Variants in CHST12 observed in about 807,000 individuals in gnomAD.
CHST12 encodes the protein carbohydrate (chondroitin 4) sulfotransferase 12.
A neutral mutation model predicts 27.9 loss-of-function variants in CHST12; 23 were observed. The ratio of observed to expected loss-of-function variants is 0.82; its 90% confidence interval spans 0.59 to 1.17. CHST12 has a LOEUF of 1.17. Ranked by LOEUF, CHST12 falls within the 50% of genes most tolerant of loss-of-function variation. CHST12 has a pLI of 0.00. For missense variants in CHST12, 682 were observed against 603.0 expected (o/e 1.13, Z -1.37); for synonymous variants, 322 against 273.0 (o/e 1.18, Z -1.77).
intron 1 of CHST12, among the ~76,000 whole-genome samples, chr7:2,425,857 C>T (rs919902771): frequency 8.5e-5 from 13 of 152,056 alleles, no homozygotes; most frequent in African/African-American, 2.7e-4. Context: ...CTTTACTTCT[C>T]GTCTTTCCAG....
intron 1 of CHST12, among the ~76,000 whole-genome samples, chr7:2,406,871 C>A (rs950473048): frequency 6.6e-6 from 1 of 152,084 alleles, no homozygotes; most frequent in East Asian, 1.9e-4. Context: ...AGAATACACA[C>A]TGGGAAACCA....
chr7:2,433,934 A>C lies in CHST12; in HGVS notation c.*50A>C, dbSNP rs1214720544. 1 of 1,494,340 alleles carries C rather than the reference A, an allele frequency of 6.7e-7. No homozygotes were observed. Among genetic ancestry groups the C allele is most frequent in the Non-Finnish European group, 9.0e-7 (1 of 1,113,250 alleles). 92.6% of individuals were successfully genotyped at this position (1,494,340 alleles called of 1,614,324 possible). A position where few individuals can be genotyped will look rare whatever the true frequency, so the allele number is the denominator to read the frequency against. On this transcript the variant is annotated 3_prime_UTR_variant, in exon 2 of 2. Coordinates refer to ENST00000618655, the MANE Select transcript of CHST12 (RefSeq NM_018641.5). The surrounding 1 kb of genome is among the most constrained non-coding windows in gnomAD (Gnocchi z 6.1). ...CGTGCCTGGAACCTGACGCACGCGC[A>C]CTCCAGTTTTTTTATGACCTACGAT...
intron 1 of CHST12, among the ~76,000 whole-genome samples, chr7:2,425,254 C>A (rs1275930471): frequency 6.6e-6 from 1 of 151,694 alleles, no homozygotes; most frequent in East Asian, 1.9e-4. Context: ...AAAACAAACC[C>A]CGGCCCAGTG....
chr7:2,440,254 TAAA>T lies in CHST12; in HGVS notation c.*6371_*6373del, dbSNP rs1782567989. ...ATCTGTTGGTTGACTTTGACAGTGA[TAAA>T]CGAACACAGCCTATCTGGGTGTTTT... On this transcript the variant is annotated 3_prime_UTR_variant, in exon 2 of 2. Transcript: ENST00000618655. The T allele has an allele frequency of 6.5e-6, 1 of 154,366 alleles. No homozygotes were observed. The highest frequency in any genetic ancestry group is 1.5e-5 in the Non-Finnish European group (1 of 68,190). The allele number at this position is 154,366 out of a possible 1,614,324, so 9.6% of individuals were successfully genotyped here.
At chr7:2,412,125 G>T (rs1781683588) in intron 1 of CHST12, among the ~76,000 whole-genome samples, 1 of 152,160 alleles carries the variant, frequency 6.6e-6, no homozygotes, top group Admixed American at 6.5e-5. Context: ...GGTCTCCTGG[G>T]ATATAAATCA....
chr7:2,435,014 A>C lies in CHST12; in HGVS notation c.*1130A>C, dbSNP rs892930382. ...GAGGATCACTTGAGCCCAGGAGTTCAAGATCAGTTTGGACCACATAGCGAG... is the reference window on the plus strand; with the variant it reads ...GAGGATCACTTGAGCCCAGGAGTTCCAGATCAGTTTGGACCACATAGCGAG... On this transcript the variant is annotated 3_prime_UTR_variant, in exon 2 of 2. Transcript: ENST00000618655. The C allele has an allele frequency of 1.3e-5, 2 of 152,268 alleles. No homozygotes were observed. The highest frequency in any genetic ancestry group is 4.8e-5 in the African/African-American group (2 of 41,422). 9.4% of individuals were successfully genotyped at this position (152,268 alleles called of 1,614,324 possible).
At position 2,432,776 on chromosome 7, in the gene CHST12, G is replaced by A. The variant is rs1369014384; in HGVS notation, c.137G>A (p.Gly46Glu). 1 of 1,613,722 alleles carries A rather than the reference G, an allele frequency of 6.2e-7. No homozygotes were observed. Residue 46 changes from glycine (G) to glutamate (E), a missense_variant, in exon 2 of 2, where the codon GGG (glycine) becomes GAG (glutamate). Transcript: ENST00000618655. ...LHTSFSRPHTGPPLPTPGPDR... is the reference protein window; with the variant it reads ...LHTSFSRPHTEPPLPTPGPDR... ...ACGTCCTTCTCTAGGCCGCACACGGGGCCGCCGCTGCCCACGCCCGGGCCG... is the reference window on the plus strand; with the variant it reads ...ACGTCCTTCTCTAGGCCGCACACGGAGCCGCCGCTGCCCACGCCCGGGCCG...
At position 2,416,048 on chromosome 7, in the gene CHST12, TC is replaced by T. The variant is rs1237633404; in HGVS notation, c.-78+12376del. ...GAACATCTTTTAAAATTGTAGTCAA[TC>T]TTCTCAAACCTTGCCACTGCATTAT... On this transcript the variant is annotated intron_variant, in intron 1 of 1. Coordinates refer to ENST00000618655, the MANE Select transcript of CHST12 (RefSeq NM_018641.5). Among the ~76,000 whole-genome samples, 11 of 152,230 alleles carry T rather than the reference TC, an allele frequency of 7.2e-5. 1 individual carries two copies. The highest frequency in any genetic ancestry group is 4.6e-4 in the Admixed American group (7 of 15,268).
chr7:2,422,444 G>A (rs575815552), intron 1 of CHST12, among the ~76,000 whole-genome samples: 9 of 151,844 alleles, frequency 5.9e-5, no homozygotes, highest in African/African-American at 1.9e-4. Flanking sequence ...GGGTTTCTCC[G>A]TTATTGGTCA....
rs546286632 is a variant in CHST12, at chr7:2,432,685, G to A, written c.46G>A (p.Val16Met). 3.1e-6 allele frequency: 5 copies of A among 1,613,486 alleles called. No individual in the cohort carries two copies. In the African/African-American group the frequency reaches 4.0e-5, roughly 13 times the overall value. Residue 16 changes from valine (V) to methionine (M), a missense_variant, in exon 2 of 2, where the codon GTG (valine) becomes ATG (methionine). By Grantham distance (21) the Val-to-Met change is conservative. Transcript: ENST00000618655. ...LFRLWLVLGS[V>M]FMILLIIVYW... ...CCGGCTGTGGCTGGTGCTGGGGTCG[G>A]TGTTCATGATCCTGCTGATCATCGT... is the stretch of plus-strand genomic sequence containing the variant.
At chr7:2,412,712 T>A (rs751083147) in intron 1 of CHST12, among the ~76,000 whole-genome samples, 7 of 152,210 alleles carry the variant, frequency 4.6e-5, no homozygotes, top group Non-Finnish European at 1.0e-4. Context: ...CAGCCTGAGT[T>A]CTGAGGCCAG....
chr7:2,405,732 C>T (rs529389253), intron 1 of CHST12, among the ~76,000 whole-genome samples: 61 of 152,162 alleles, frequency 4.0e-4, no homozygotes, highest in African/African-American at 2.4e-5. Context: ...CCTGTAACAG[C>T]GAGGGCAGCC....
rs1350516609 is a variant in CHST12, at chr7:2,440,748, C to G, written c.*6864C>G. On this transcript the variant is annotated 3_prime_UTR_variant, in exon 2 of 2. Transcript: ENST00000618655. ...GAAGAATGCCGCCGCTCAGGTTTAT[C>G]TGGTAGAATAAGCTGTTTGAACAAA... The G allele has an allele frequency of 6.6e-6, 1 of 152,176 alleles. No homozygotes were observed. The highest frequency in any genetic ancestry group is 1.5e-5 in the Non-Finnish European group (1 of 68,052). 9.4% of individuals were successfully genotyped at this position (152,176 alleles called of 1,614,324 possible). A position where few individuals can be genotyped will look rare whatever the true frequency, so the allele number is the denominator to read the frequency against.
At position 2,435,929 on chromosome 7, in the gene CHST12, C is replaced by G. The variant is rs1782463041; in HGVS notation, c.*2045C>G. 6.6e-6 allele frequency: 1 copy of G among 152,314 alleles called. No individual in the cohort carries two copies. Among genetic ancestry groups the G allele is most frequent in the Non-Finnish European group, 1.5e-5 (1 of 68,162 alleles). 9.4% of individuals were successfully genotyped at this position (152,314 alleles called of 1,614,324 possible). On this transcript the variant is annotated 3_prime_UTR_variant, in exon 2 of 2. Transcript: ENST00000618655. Reference sequence around the variant, plus strand: ...TCCTGGGCTCAAGTGATCTTCCCATCTCAGACTCCCAAGTAGCTGGGGTTA... The same window carrying G: ...TCCTGGGCTCAAGTGATCTTCCCATGTCAGACTCCCAAGTAGCTGGGGTTA...
In CHST12 at chr7:2,437,421, G is replaced by C. The variant is rs1208638051; in HGVS notation, c.*3537G>C. The C allele has an allele frequency of 6.6e-6, 1 of 152,260 alleles. No homozygotes were observed. Among genetic ancestry groups the C allele is most frequent in the Non-Finnish European group, 1.5e-5 (1 of 68,064 alleles). The allele number at this position is 152,260 out of a possible 1,614,324, so 9.4% of individuals were successfully genotyped here. On this transcript the variant is annotated 3_prime_UTR_variant, in exon 2 of 2. Transcript: ENST00000618655. Reference sequence around the variant, plus strand: ...AATTTGACACAGGTGTGACTTGCAGGTTGTGTGGGTGATGCCTCCCTCCCT... The same window carrying C: ...AATTTGACACAGGTGTGACTTGCAGCTTGTGTGGGTGATGCCTCCCTCCCT...
intron 1 of CHST12, among the ~76,000 whole-genome samples, chr7:2,424,151 C>G (rs1782046893): frequency 6.6e-6 from 1 of 152,112 alleles, no homozygotes; most frequent in Admixed American, 6.6e-5. Flanking sequence ...CCCAGGAGTT[C>G]AAGAGCAGCC....
At chr7:2,405,434 A>G (rs944478602) in intron 1 of CHST12, among the ~76,000 whole-genome samples, 2 of 152,190 alleles carry the variant, frequency 1.3e-5, no homozygotes, top group Non-Finnish European at 2.9e-5. Context: ...ACAGAGTAAA[A>G]AAAAGACTGG....
intron 1 of CHST12, among the ~76,000 whole-genome samples, chr7:2,407,937 A>G (rs1040700315): frequency 9.9e-5 from 15 of 152,072 alleles, no homozygotes; most frequent in African/African-American, 3.6e-4. Context: ...CAAAAATAAA[A>G]TTTAAAAAAT....
intron 1 of CHST12, among the ~76,000 whole-genome samples, chr7:2,417,893 A>G (rs1397421937): frequency 6.6e-6 from 1 of 152,268 alleles, no homozygotes; most frequent in Admixed American, 6.5e-5. Context: ...TTAGCCACGT[A>G]TTACGTGACC....
Sources: allele counts gnomAD v4.1 joint callset (sites outside exome capture counted in the v4.1 genomes callset), GRCh38; gene constraint gnomAD v4.1.1; non-coding constraint Gnocchi (gnomAD v3.1); transcripts MANE v1.5; gene names NCBI Gene and HGNC (gene_info 2026-07-23, HGNC 2026-07-21).